Variants in CLTC observed in about 807,000 individuals in gnomAD.
The protein encoded by CLTC is clathrin heavy chain 1.
In CLTC, 16 loss-of-function variants were observed where a neutral mutation model predicts 195.8. That is an observed-to-expected ratio of 0.08 (90% CI 0.06 to 0.12). The LOEUF (loss-of-function observed/expected upper bound fraction) is 0.12. Among genes scored for constraint, CLTC ranks in the 10% least tolerant of loss-of-function variants. CLTC has a pLI of 1.00. For missense variants in CLTC, 796 were observed against 2,027.0 expected (o/e 0.39, Z 11.66); for synonymous variants, 667 against 689.4 (o/e 0.97, Z 0.51).
rs138899198 is a variant in CLTC at position 59,643,571 on chromosome 17, C to T, written c.43-705C>T. Among the ~76,000 whole-genome samples the T allele has an allele frequency of 7.9e-5, 12 of 152,290 alleles. No homozygotes were observed. The East Asian group carries it at 2.3e-3, about 29-fold the overall frequency. On this transcript the variant is annotated intron_variant, in intron 1 of 31. Coordinates refer to ENST00000269122, the MANE Select transcript of CLTC (RefSeq NM_004859.4). ...TTAGCTTGTTGGTCTGGCCCTTGCT[C>T]ATTTCTCTAACCTTAATTGTGTACT...
At chr17:59,642,441 C>G (rs9303412) in intron 1 of CLTC, among the ~76,000 whole-genome samples, 117,389 of 151,746 alleles carry the variant, frequency 0.77, 46,399 homozygotes, top group East Asian at 0.93. Flanking sequence ...ATTCTTACAG[C>G]ATAACTTACT....
chr17:59,691,563 G>C (rs972852102), intron 31 of CLTC, among the ~76,000 whole-genome samples: 3 of 151,286 alleles, frequency 2.0e-5, no homozygotes, highest in South Asian at 4.2e-4. Flanking sequence ...GGCAGAGGTT[G>C]CAGTGAGCCG....
At position 59,694,105 on chromosome 17, in the gene CLTC, C is replaced by T. The variant is rs2033370042; in HGVS notation, c.*253C>T. 1 of 312,290 alleles carries T rather than the reference C, an allele frequency of 3.2e-6. No homozygotes were observed. The highest frequency in any genetic ancestry group is 5.9e-6 in the Non-Finnish European group (1 of 170,344). 19.3% of individuals were successfully genotyped at this position (312,290 alleles called of 1,614,324 possible). A position where few individuals can be genotyped will look rare whatever the true frequency, so the allele number is the denominator to read the frequency against. ...TATTCACTTGGGCTTTTTTTCTTCC[C>T]CCTCTTTCTTTAAAGAACTGCTCAA... On this transcript the variant is annotated 3_prime_UTR_variant, in exon 32 of 32. Coordinates refer to ENST00000269122, the MANE Select transcript of CLTC (RefSeq NM_004859.4).
intron 16 of CLTC, among the ~76,000 whole-genome samples, chr17:59,675,095 T>A (rs1407262592): frequency 6.6e-6 from 1 of 152,210 alleles, no homozygotes; most frequent in Non-Finnish European, 1.5e-5. Flanking sequence ...TACAGCTATG[T>A]GGTTTGACTT....
chr17:59,677,026 C>G lies in CLTC; in HGVS notation c.2634C>G (p.Ala878=), dbSNP rs771842990. ...EGCEEPATHN[A]LAKIYIDSNN... is the part of the protein sequence containing the mutation. ...GTGAGGAGCCTGCTACTCACAATGC[C>G]TTAGCCAAAATCTACATAGACAGTA... The change falls in exon 17 of 32, where the codon GCC becomes GCG. Residue 878 remains alanine (A), a synonymous_variant. Transcript: ENST00000269122. The G allele has an allele frequency of 1.2e-6, 2 of 1,614,034 alleles. No individual in the cohort carries two copies. Among genetic ancestry groups the G allele is most frequent in the East Asian group, 4.5e-5 (2 of 44,872 alleles).
intron 1 of CLTC, among the ~76,000 whole-genome samples, chr17:59,632,536 G>T (rs528946009): frequency 6.6e-6 from 1 of 152,006 alleles, no homozygotes; most frequent in Non-Finnish European, 1.5e-5. Context: ...AAACAAACTC[G>T]GGAGGCCAAG....
chr17:59,629,008 TA>T (rs970988767), intron 1 of CLTC, among the ~76,000 whole-genome samples: 3 of 151,822 alleles, frequency 2.0e-5, no homozygotes, highest in South Asian at 2.1e-4. Context: ...AAAGGTGGCT[TA>T]AAAAAAACCA....
chr17:59,622,617 C>G (rs1379558439), intron 1 of CLTC, among the ~76,000 whole-genome samples: 4 of 152,118 alleles, frequency 2.6e-5, no homozygotes, highest in African/African-American at 9.7e-5. Flanking sequence ...TCAAGCAATC[C>G]TTTGCCTTGA....
At position 59,648,144 on chromosome 17, in the gene CLTC, A is replaced by AGTC; in HGVS notation, c.520-96_520-95insGTC. The AGTC allele has an allele frequency of 8.7e-7, 1 of 1,145,876 alleles. No individual in the cohort carries two copies. The highest frequency in any genetic ancestry group is 1.7e-5 in the South Asian group (1 of 57,776). 71.0% of individuals were successfully genotyped at this position (1,145,876 alleles called of 1,614,324 possible). A position where few individuals can be genotyped will look rare whatever the true frequency, so the allele number is the denominator to read the frequency against. Reference sequence around the variant, plus strand: ...TGACAAATAATTATAAATCCTGCTAAAGATGACAAAGCATTCTAATTATTT... The same window carrying AGTC: ...TGACAAATAATTATAAATCCTGCTAAGTCAGATGACAAAGCATTCTAATTATTT... On this transcript the variant is annotated intron_variant, in intron 3 of 31. Coordinates refer to ENST00000269122, the MANE Select transcript of CLTC (RefSeq NM_004859.4). The surrounding 1 kb of genome is among the most constrained non-coding windows in gnomAD (Gnocchi z 4.5).
In CLTC at chr17:59,681,119, C is replaced by A; in HGVS notation, c.3065+62C>A. 3.2e-6 allele frequency: 5 copies of A among 1,563,214 alleles called. No homozygotes were observed. In the South Asian group the frequency reaches 5.9e-5, roughly 18 times the overall value. ...CAGTCTTTAATAAATTATGGCCCAT[C>A]AGTTTTGGGAAGGAACAAAAAGATC... On this transcript the variant is annotated intron_variant, in intron 19 of 31. Coordinates refer to ENST00000269122, the MANE Select transcript of CLTC (RefSeq NM_004859.4). The surrounding 1 kb of genome is among the most constrained non-coding windows in gnomAD (Gnocchi z 5.0).
At chr17:59,667,674 C>T (rs2032761976) in intron 13 of CLTC, among the ~76,000 whole-genome samples, 1 of 152,180 alleles carries the variant, frequency 6.6e-6, no homozygotes, top group African/African-American at 2.4e-5. Flanking sequence ...GTAGAATATT[C>T]AGCAGCATTC....
chr17:59,656,047 T>A lies in CLTC; in HGVS notation c.969+20T>A, dbSNP rs745478221. 6.3e-7 allele frequency: 1 copy of A among 1,596,750 alleles called. No individual in the cohort carries two copies. On this transcript the variant is annotated intron_variant, in intron 6 of 31. Coordinates refer to ENST00000269122, the MANE Select transcript of CLTC (RefSeq NM_004859.4). The stretch of plus-strand genomic sequence containing the variant: ...GGACAAGTAAGGAAACCTTGAAACT[T>A]AAGCAATAAAATAAGATAACCTGAT...
intron 30 of CLTC, among the ~76,000 whole-genome samples, chr17:59,688,889 C>T (rs768457586): frequency 2.6e-5 from 4 of 152,094 alleles, no homozygotes; most frequent in Non-Finnish European, 5.9e-5. Context: ...ATACAGGCAT[C>T]CATGTATTTT....
At chr17:59,622,738 T>G (rs1216681301) in intron 1 of CLTC, among the ~76,000 whole-genome samples, 1 of 152,168 alleles carries the variant, frequency 6.6e-6, no homozygotes, top group Non-Finnish European at 1.5e-5. Context: ...GTTTGCTAAG[T>G]AGCAGAAAAC....
At chr17:59,634,747 G>A (rs2143466963) in intron 1 of CLTC, among the ~76,000 whole-genome samples, 1 of 152,308 alleles carries the variant, frequency 6.6e-6, no homozygotes, top group African/African-American at 2.4e-5. Context: ...GAAATCTGTG[G>A]AGCCTACAGA....
intron 1 of CLTC, among the ~76,000 whole-genome samples, chr17:59,624,724 C>G (rs1414786781): frequency 6.6e-6 from 1 of 152,122 alleles, no homozygotes; most frequent in Admixed American, 6.6e-5. Context: ...CCACCTCGAC[C>G]TCCCAAAGTG....
intron 16 of CLTC, 119 bp from the exon 17 acceptor site, chr17:59,676,834 CG>C (rs1330629997): frequency 2.7e-6 from 2 of 729,632 alleles, no homozygotes; most frequent in Non-Finnish European, 4.5e-6. Flanking sequence ...ACTCGGGGGG[CG>C]GGGAAAAAGT....
Position 59,696,251 on chromosome 17 carries a change from T to G in CLTC, c.*2399T>G, listed in dbSNP as rs969527901. The G allele has an allele frequency of 9.0e-6, 2 of 221,794 alleles. No homozygotes were observed. Among genetic ancestry groups the G allele is most frequent in the Non-Finnish European group, 1.8e-5 (2 of 110,952 alleles). 13.7% of individuals were successfully genotyped at this position (221,794 alleles called of 1,614,324 possible). A position where few individuals can be genotyped will look rare whatever the true frequency, so the allele number is the denominator to read the frequency against. On this transcript the variant is annotated 3_prime_UTR_variant, in exon 32 of 32. Transcript: ENST00000269122. ...TTGTGGCATCATTCACAGTTGCAAT[T>G]TTTCTCCTGTGCTGTCATATGCCTG...
At chr17:59,656,067 C>T (rs374054131) in intron 6 of CLTC, 40 bp downstream of exon 6, 436 of 1,546,492 alleles carry the variant, frequency 2.8e-4, no homozygotes, top group Admixed American at 1.2e-3. Flanking sequence ...AATAAGATAA[C>T]CTGATGAGTT....
Sources: gnomAD v4.1 joint callset for allele counts (sites outside exome capture counted in the v4.1 genomes callset) on GRCh38, gnomAD v4.1.1 for gene constraint, Gnocchi (gnomAD v3.1) non-coding constraint, MANE v1.5 for transcripts, NCBI Gene and HGNC (gene_info 2026-07-23, HGNC 2026-07-21) for gene names.